The following TACR1 variants were observed in gnomAD, a reference collection of about 807,000 sequenced individuals.
TACR1 encodes the protein tachykinin receptor 1, also known as substance-P receptor.
In TACR1, 25 loss-of-function variants were observed where a neutral mutation model predicts 35.8. The ratio of observed to expected loss-of-function variants is 0.70; its 90% CI spans 0.51 to 0.98. The LOEUF (loss-of-function observed/expected upper bound fraction) is 0.98, where lower values mean the gene tolerates loss of function less well. Ranked by LOEUF, TACR1 falls within the 50% of genes least tolerant of loss-of-function variation. The probability of loss-of-function intolerance (pLI) is 0.00; values close to 1 mark genes in which losing one functional copy is unlikely to be tolerated. For missense variants in TACR1, 478 were observed against 522.9 expected (o/e 0.91, Z 0.84); for synonymous variants, 195 against 206.7 (o/e 0.94, Z 0.48).
intron 1 of TACR1, among the ~76,000 whole-genome samples, chr2:75,135,132 C>T (rs144327114): frequency 7.2e-5 from 11 of 152,246 alleles, no homozygotes; most frequent in African/African-American, 2.4e-4. Context: ...GCAGTGGAAC[C>T]CCTGCTGCCT....
intron 1 of TACR1, among the ~76,000 whole-genome samples, chr2:75,184,863 A>C: frequency 6.6e-6 from 1 of 151,888 alleles, no homozygotes; most frequent in East Asian, 1.9e-4. Context: ...AAGCTCGACT[A>C]CATAGACTAT....
At chr2:75,172,645 G>T (rs560922119) in intron 1 of TACR1, among the ~76,000 whole-genome samples, 2 of 152,078 alleles carry the variant, frequency 1.3e-5, no homozygotes, top group Non-Finnish European at 2.9e-5. Flanking sequence ...AGAATGGAAC[G>T]AATATATTCT....
intron 1 of TACR1, among the ~76,000 whole-genome samples, chr2:75,190,325 T>C (rs936713735): frequency 6.6e-6 from 1 of 152,232 alleles, no homozygotes; most frequent in Non-Finnish European, 1.5e-5. Flanking sequence ...TGGACCATGA[T>C]ATACAATATC....
At chr2:75,068,968 A>T (rs1434191374) in intron 2 of TACR1, among the ~76,000 whole-genome samples, 1 of 152,188 alleles carries the variant, frequency 6.6e-6, no homozygotes, top group African/African-American at 2.4e-5. Flanking sequence ...TCTCATTTTG[A>T]ATTGTAGCTC....
At position 75,047,592 on chromosome 2, in the gene TACR1, C is replaced by T. The variant is rs1672389735; in HGVS notation, c.*1840G>A. The T allele has an allele frequency of 6.6e-6, 1 of 152,254 alleles. No individual in the cohort carries two copies. The highest frequency in any genetic ancestry group is 2.1e-4 in the South Asian group (1 of 4,836). 9.4% of individuals were successfully genotyped at this position (152,254 alleles called of 1,614,324 possible). A position where few individuals can be genotyped will look rare whatever the true frequency, so the allele number is the denominator to read the frequency against. ...TCTTCCAAAGTGAGTAATCCATACA[C>T]AGCAAGATTCTCTATTGGAAGTATG... On this transcript the variant is annotated 3_prime_UTR_variant, in exon 5 of 5. Transcript: ENST00000305249.
At chr2:75,161,024 A>G (rs1319063775) in intron 1 of TACR1, among the ~76,000 whole-genome samples, 1 of 152,048 alleles carries the variant, frequency 6.6e-6, no homozygotes, top group African/African-American at 2.4e-5. Context: ...AAATTATGAC[A>G]TGAGAAATCT....
chr2:75,154,450 A>ACACACTCTCT (rs1362786009), intron 1 of TACR1: 3 of 89,126 alleles, frequency 3.4e-5, no homozygotes, highest in African/African-American at 1.3e-4. Flanking sequence ...ACACACACAC[A>ACACACTCTCT]CTCTGAAGAA....
At chr2:75,083,190 T>G (rs1361142059) in intron 2 of TACR1, among the ~76,000 whole-genome samples, 1 of 152,176 alleles carries the variant, frequency 6.6e-6, no homozygotes, top group East Asian at 1.9e-4. Context: ...GGAATCCTTT[T>G]CCCATTTCTT....
chr2:75,053,544 C>A, intron 3 of TACR1, 61 bp downstream of exon 3: 2 of 1,447,934 alleles, frequency 1.4e-6, no homozygotes, highest in Non-Finnish European at 1.8e-6. Flanking sequence ...AGTGTGCCAT[C>A]CCTTCTCGAC....
chr2:75,172,766 G>A (rs1675321112), intron 1 of TACR1, among the ~76,000 whole-genome samples: 2 of 152,246 alleles, frequency 1.3e-5, no homozygotes, highest in African/African-American at 4.8e-5. Context: ...TTTATTTATA[G>A]TTTTGGAGGC....
chr2:75,154,526 A>ACACTCT (rs1379600710), intron 1 of TACR1: 11 of 117,212 alleles, frequency 9.4e-5, no homozygotes, highest in Admixed American at 1.6e-4. Flanking sequence ...ACACACACAC[A>ACACTCT]CTCTCTGAAG....
intron 1 of TACR1, among the ~76,000 whole-genome samples, chr2:75,194,159 T>C (rs571592258): frequency 3.6e-4 from 54 of 151,912 alleles, no homozygotes; most frequent in Non-Finnish European, 6.3e-4. Context: ...CTCCCAGGAG[T>C]AGGGAGAGAG....
chr2:75,140,931 T>C (rs1674388893), intron 1 of TACR1, among the ~76,000 whole-genome samples: 1 of 152,218 alleles, frequency 6.6e-6, no homozygotes, highest in Non-Finnish European at 1.5e-5. Context: ...AGAATTCTTA[T>C]TGTTTTTCTT....
intron 2 of TACR1, among the ~76,000 whole-genome samples, chr2:75,112,405 A>G (rs7600257): frequency 0.51 from 76,792 of 150,736 alleles, 20,202 homozygotes; most frequent in Non-Finnish European, 0.56. Flanking sequence ...ACTCTTAGGA[A>G]TAGTTTGAGA....
Position 75,047,548 on chromosome 2 carries a change from T to A in TACR1, c.*1884A>T, listed in dbSNP as rs1374169464. On this transcript the variant is annotated 3_prime_UTR_variant, in exon 5 of 5. Coordinates refer to ENST00000305249, the MANE Select transcript of TACR1 (RefSeq NM_001058.4). ...CCATCTTCTCAGGTACTTCTCATAA[T>A]CATGTTAGCTCTTTACATTCTTCCA... 6.6e-6 allele frequency: 1 copy of A among 152,250 alleles called. No individual in the cohort carries two copies. The highest frequency in any genetic ancestry group is 1.5e-5 in the Non-Finnish European group (1 of 68,056). The allele number at this position is 152,250 out of a possible 1,614,324, so 9.4% of individuals were successfully genotyped here. A position where few individuals can be genotyped will look rare whatever the true frequency, so the allele number is the denominator to read the frequency against.
At chr2:75,077,030 G>A (rs558282345) in intron 2 of TACR1, among the ~76,000 whole-genome samples, 60 of 152,230 alleles carry the variant, frequency 3.9e-4, no homozygotes, top group Non-Finnish European at 4.9e-4. Flanking sequence ...GAGTGCAATG[G>A]CTCGATCTTG....
At chr2:75,120,152 C>T (rs1363135255) in intron 2 of TACR1, among the ~76,000 whole-genome samples, 2 of 152,094 alleles carry the variant, frequency 1.3e-5, no homozygotes, top group Non-Finnish European at 2.9e-5. Context: ...ACAGAGCAGC[C>T]CCTCAATCAT....
intron 2 of TACR1, among the ~76,000 whole-genome samples, chr2:75,100,185 T>C (rs1673509800): frequency 6.6e-6 from 1 of 152,130 alleles, no homozygotes. Flanking sequence ...ACAGACTCCC[T>C]CAGTTCAGAT....
intron 1 of TACR1, among the ~76,000 whole-genome samples, chr2:75,132,129 T>C (rs1216471710): frequency 6.6e-6 from 1 of 152,214 alleles, no homozygotes; most frequent in Non-Finnish European, 1.5e-5. Context: ...AATCTTTTGA[T>C]GGATTTCTTG....
Sources: gnomAD v4.1 joint callset for allele counts (sites outside exome capture counted in the v4.1 genomes callset) on GRCh38, gnomAD v4.1.1 for gene constraint, MANE v1.5 for transcripts, NCBI Gene and HGNC (gene_info 2026-07-23, HGNC 2026-07-21) for gene names.